Variants in GNL3L observed in about 807,000 individuals in gnomAD.
GNL3L encodes guanine nucleotide-binding protein-like 3-like protein.
GNL3L carries 4 observed loss-of-function variants against 42.9 expected under a neutral mutation model. The observed-to-expected ratio is 0.09, with a 90% confidence interval of 0.05 to 0.21. GNL3L has a LOEUF of 0.21. GNL3L is among the 10% of genes least tolerant of loss of function. The pLI is 1.00. For synonymous variants in GNL3L, 159 were observed against 176.3 expected (o/e 0.90, Z 0.78); for missense variants, 412 against 481.7 (o/e 0.86, Z 1.36).
intron 4 of GNL3L, 82 bp from the exon 5 acceptor site, chrX:54,541,191 C>T (rs964838658): frequency 1.3e-5 from 8 of 627,030 alleles, no homozygotes; most frequent in African/African-American, 1.1e-4. Flanking sequence ...CCATGTCGCA[C>T]CATTTCCTCT....
chrX:54,583,472 G>A (rs927205228), intron 16 of GNL3L, among the ~76,000 whole-genome samples: 2 of 111,124 alleles, frequency 1.8e-5, no homozygotes, highest in Non-Finnish European at 3.8e-5. Context: ...GGGATTACAG[G>A]CGAGAGCCAC....
At chrX:54,618,907 C>G (rs967998475) in intron 16 of GNL3L, among the ~76,000 whole-genome samples, 1 of 110,838 alleles carries the variant, frequency 9.0e-6, no homozygotes, top group Non-Finnish European at 1.9e-5. Flanking sequence ...TAAAAAAAAC[C>G]CACAAATGGG....
intron 16 of GNL3L, among the ~76,000 whole-genome samples, chrX:54,575,477 A>C (rs1384504058): frequency 8.9e-6 from 1 of 112,784 alleles, no homozygotes; most frequent in African/African-American, 3.2e-5. Context: ...TCACGCCTGT[A>C]ATCCCAGCAC....
intron 16 of GNL3L, among the ~76,000 whole-genome samples, chrX:54,599,126 C>T (rs1925971825): frequency 9.0e-6 from 1 of 111,724 alleles, no homozygotes; most frequent in South Asian, 3.7e-4. Context: ...TAATAAAAAT[C>T]GTTTCTATAG....
intron 16 of GNL3L, among the ~76,000 whole-genome samples, chrX:54,573,282 G>A (rs768945537): frequency 1.2e-3 from 137 of 113,486 alleles, no homozygotes; most frequent in African/African-American, 4.0e-3. Flanking sequence ...ACCAGACTCC[G>A]TCTGCAATCC....
chrX:54,618,892 G>GT (rs1926253809), intron 16 of GNL3L, among the ~76,000 whole-genome samples: 1 of 111,055 alleles, frequency 9.0e-6, no homozygotes, highest in African/African-American at 3.3e-5. Context: ...GTGAGACCCT[G>GT]TTTTTAAAAA....
At chrX:54,640,003 G>C in the GNL3L span, among the ~76,000 whole-genome samples, 4 of 110,276 alleles carry the variant, frequency 3.6e-5, no homozygotes, top group African/African-American at 1.3e-4. Context: ...CCAGAGGTTA[G>C]AGCCACCCAA....
chrX:54,579,827 G>T (rs1329977887), intron 16 of GNL3L, among the ~76,000 whole-genome samples: 2 of 111,022 alleles, frequency 1.8e-5, no homozygotes, highest in African/African-American at 6.6e-5. Context: ...ACAGGCATGC[G>T]CCACAACGCC....
At chrX:54,607,072 C>CTT (rs1231481886) in intron 16 of GNL3L, among the ~76,000 whole-genome samples, 650 of 22,783 alleles carry the variant, frequency 0.029, 58 homozygotes, top group African/African-American at 0.091. Context: ...TTCTTTCTTT[C>CTT]TCTTTCTTTC....
intron 16 of GNL3L, among the ~76,000 whole-genome samples, chrX:54,597,189 C>T (rs1925940891): frequency 9.0e-6 from 1 of 111,541 alleles, no homozygotes; most frequent in Admixed American, 9.5e-5. Flanking sequence ...TCACCCAAGG[C>T]CACTGACATA....
chrX:54,634,075 TC>T, the GNL3L span, among the ~76,000 whole-genome samples: 1 of 112,599 alleles, frequency 8.9e-6, no homozygotes, highest in Non-Finnish European at 1.9e-5. Context: ...ACAGTTTGAC[TC>T]TAATGTGTCT....
At chrX:54,570,093 C>T (rs779487145), downstream of GNL3L, among the ~76,000 whole-genome samples, 1 of 111,787 alleles carries the variant, frequency 8.9e-6, no homozygotes, top group Non-Finnish European at 1.9e-5. Flanking sequence ...TTTTTCATGT[C>T]TACTATATCC....
rs150496451 is a variant in GNL3L, at chrX:54,540,170, A to G, written c.117A>G (p.Lys39=). Residue 39 remains lysine (K), a synonymous_variant, in exon 4 of 16, where the codon AAA becomes AAG. Transcript: ENST00000360845. ...AKQNGKKATS[K]VPSAPHFVHP... The stretch of plus-strand genomic sequence containing the variant: ...AAAATGGGAAGAAAGCAACCTCCAA[A>G]GTGCCCTCTGCACCTCATTTTGTTC... 6.6e-5 allele frequency: 80 copies of G among 1,207,113 alleles called. No individual in the cohort carries two copies. The highest frequency in any genetic ancestry group is 8.4e-5 in the Non-Finnish European group (75 of 892,803).
chrX:54,558,659 G>A lies in GNL3L; in HGVS notation c.1666+4G>A. On this transcript the variant is annotated splice_donor_region_variant and intron_variant, in intron 15 of 15. Transcript: ENST00000360845. ...AAGAAGATGCAGAAACGTGCAGGTG[G>A]GAGCCCCAGACCAACCCTGTGCTCT... 8.5e-7 allele frequency: 1 copy of A among 1,171,924 alleles called. No homozygotes were observed. The highest frequency in any genetic ancestry group is 1.2e-6 in the Non-Finnish European group (1 of 864,117).
At chrX:54,547,416 A>G (rs1029641840) in intron 8 of GNL3L, among the ~76,000 whole-genome samples, 1 of 110,675 alleles carries the variant, frequency 9.0e-6, no homozygotes, top group Non-Finnish European at 1.9e-5. Flanking sequence ...ATTGGAAACA[A>G]TGCTGTGGCT....
the GNL3L span, among the ~76,000 whole-genome samples, chrX:54,644,595 C>T: frequency 1.3e-4 from 14 of 111,802 alleles, no homozygotes; most frequent in East Asian, 3.9e-3. Context: ...TTGTTTATTT[C>T]TGCACTATTT....
At chrX:54,534,452 G>A (rs896271865) in intron 2 of GNL3L, among the ~76,000 whole-genome samples, 1 of 111,027 alleles carries the variant, frequency 9.0e-6, no homozygotes, top group Non-Finnish European at 1.9e-5. Flanking sequence ...GAAATTTGAT[G>A]CTACGGCAGA....
chrX:54,604,710 A>T (rs1318851898), intron 16 of GNL3L, among the ~76,000 whole-genome samples: 1 of 112,128 alleles, frequency 8.9e-6, no homozygotes, highest in African/African-American at 3.2e-5. Context: ...GCTATATAGT[A>T]TGAACAGCAG....
Position 54,558,577 on chromosome X carries a change from A to G in GNL3L, c.1588A>G (p.Met530Val). ...VDRRSVLQRI[M>V]ETDPLQQGQA... is the part of the protein sequence containing the mutation. ...CCGCCGCTCAGTGCTGCAGAGGATC[A>G]TGGAGACGGACCCCCTGCAACAGGG... is the stretch of plus-strand genomic sequence containing the variant. The change falls in exon 15 of 16, where the codon ATG becomes GTG. Residue 530 changes from methionine to valine, a missense_variant. Physicochemically the swap from Met to Val is conservative, Grantham distance 21 (BLOSUM62 1). Coordinates refer to ENST00000360845, the MANE Select transcript of GNL3L (RefSeq NM_001184819.2). The G allele has an allele frequency of 8.3e-7, 1 of 1,210,457 alleles. No individual in the cohort carries two copies. The highest frequency in any genetic ancestry group is 1.8e-5 in the South Asian group (1 of 56,914).
Sources: allele counts gnomAD v4.1 joint callset (sites outside exome capture counted in the v4.1 genomes callset), GRCh38; gene constraint gnomAD v4.1.1; transcripts MANE v1.5; gene names NCBI Gene and HGNC (gene_info 2026-07-23, HGNC 2026-07-21).